ABCB9: variants seen among roughly 807,000 people sequenced by gnomAD.
ABCB9 encodes the protein ABC-type oligopeptide transporter ABCB9.
Under a neutral mutation model 62.0 loss-of-function variants are expected in ABCB9, and 36 were observed. The observed-to-expected ratio is 0.58, with a 90% CI of 0.45 to 0.77. ABCB9 has a LOEUF of 0.77. ABCB9 is among the 30% of genes least tolerant of loss of function. The probability of loss-of-function intolerance (pLI) is 0.00; values close to 1 mark genes in which losing one functional copy is unlikely to be tolerated. For synonymous variants in ABCB9, 435 were observed against 461.4 expected (o/e 0.94, Z 0.73); for missense variants, 943 against 1,054.7 (o/e 0.89, Z 1.47).
Position 122,959,790 on chromosome 12 carries a change from G to A in ABCB9, c.446C>T (p.Pro149Leu). The A allele has an allele frequency of 1.2e-6, 2 of 1,612,028 alleles. No individual in the cohort carries two copies. Among genetic ancestry groups the A allele is most frequent in the Non-Finnish European group, 1.7e-6 (2 of 1,179,300 alleles). Reference sequence around the variant, plus strand: ...GCCCTCAGCCTCGGTGGCCGCCCCTGGCTCCAGGGCCTGGGTGCCTGGCCG... The same window carrying A: ...GCCCTCAGCCTCGGTGGCCGCCCCTAGCTCCAGGGCCTGGGTGCCTGGCCG... ...TVRPGTQALE[P>L]GAATEAEGFP... is the part of the protein sequence containing the mutation. Residue 149 changes from proline (P) to leucine (L), a missense_variant, in exon 2 of 12, where the codon CCA becomes CTA. Physicochemically the swap from Pro to Leu is moderately conservative, Grantham distance 98. Coordinates refer to ENST00000280560, the MANE Select transcript of ABCB9 (RefSeq NM_019625.4). The surrounding 1 kb of genome is among the most constrained non-coding windows in gnomAD (Gnocchi z 5.4).
rs751351998 is a variant in ABCB9 at position 122,940,081 on chromosome 12, G to C, written c.1743+30C>G. ...AAGACGGTTAGATGCAGAAAGGGCG[G>C]AGAAGTGTGGCCCAGGCCCGTGCAC... On this transcript the variant is annotated intron_variant, in intron 9 of 11. Coordinates refer to ENST00000280560, the MANE Select transcript of ABCB9 (RefSeq NM_019625.4). This position sits in a 1 kb window ranked among gnomAD's most constrained non-coding sequence, Gnocchi z 4.8. 15 of 1,593,102 alleles carry C rather than the reference G, an allele frequency of 9.4e-6. No individual in the cohort carries two copies. The South Asian group carries it at 1.6e-4, about 17-fold the overall frequency.
chr12:122,925,023 C>T (rs1346337616), downstream of ABCB9, among the ~76,000 whole-genome samples: 2 of 152,158 alleles, frequency 1.3e-5, no homozygotes, highest in Admixed American at 1.3e-4. Flanking sequence ...TTCAAGCAAT[C>T]CTCCCACTTC....
At chr12:122,934,474 A>C (rs953744168) in intron 10 of ABCB9, among the ~76,000 whole-genome samples, 1 of 151,532 alleles carries the variant, frequency 6.6e-6, no homozygotes, top group African/African-American at 2.4e-5. Flanking sequence ...GGATTGCATG[A>C]GCCCAGGAAT....
chr12:122,931,129 A>G (rs1337135986), intron 11 of ABCB9, among the ~76,000 whole-genome samples: 1 of 151,678 alleles, frequency 6.6e-6, no homozygotes, highest in Non-Finnish European at 1.5e-5. Flanking sequence ...GGTTCATGCT[A>G]TTCTCCTGCC....
chr12:122,924,869 T>C (rs2135735708), downstream of ABCB9: 1 of 1,525,882 alleles, frequency 6.6e-7, no homozygotes, highest in South Asian at 1.2e-5. Context: ...CAGAAAAAAG[T>C]CAGCTTTAAA....
chr12:122,950,075 C>T (rs2036279873), intron 3 of ABCB9, among the ~76,000 whole-genome samples, 157 bp from the exon 4 acceptor site: 1 of 152,170 alleles, frequency 6.6e-6, no homozygotes, highest in Non-Finnish European at 1.5e-5. Context: ...CAGTGGGAGC[C>T]CCCCTCAAGG....
downstream of ABCB9, among the ~76,000 whole-genome samples, chr12:122,925,432 G>A (rs920287779): frequency 1.3e-5 from 2 of 151,922 alleles, no homozygotes; most frequent in Admixed American, 6.6e-5. Context: ...CAAGAGAGGC[G>A]AAAGCAAACT....
rs1242595032 is a variant in ABCB9 at position 122,940,695 on chromosome 12, A to G, written c.1569+112T>C. On this transcript the variant is annotated intron_variant, in intron 8 of 11. Coordinates refer to ENST00000280560, the MANE Select transcript of ABCB9 (RefSeq NM_019625.4). The surrounding 1 kb of genome is among the most constrained non-coding windows in gnomAD (Gnocchi z 4.8). Reference sequence around the variant, plus strand: ...AGCCCAAAACTCCTGGAGGGCAATGATCTTGCCTGACATATTCCCAGCTGC... The same window carrying G: ...AGCCCAAAACTCCTGGAGGGCAATGGTCTTGCCTGACATATTCCCAGCTGC... The G allele has an allele frequency of 7.6e-7, 1 of 1,323,136 alleles. No individual in the cohort carries two copies. The highest frequency in any genetic ancestry group is 1.5e-5 in the African/African-American group (1 of 67,408). The allele number at this position is 1,323,136 out of a possible 1,614,324, so 82.0% of individuals were successfully genotyped here. A position where few individuals can be genotyped will look rare whatever the true frequency, so the allele number is the denominator to read the frequency against.
intron 1 of ABCB9, among the ~76,000 whole-genome samples, chr12:122,971,976 T>G (rs1449731030): frequency 6.6e-6 from 1 of 151,592 alleles, no homozygotes; most frequent in East Asian, 1.9e-4. Context: ...AAATGGTAAA[T>G]TTCGTTATGT....
downstream of ABCB9, among the ~76,000 whole-genome samples, chr12:122,928,830 G>A (rs2034985327): frequency 6.6e-6 from 1 of 152,136 alleles, no homozygotes; most frequent in Non-Finnish European, 1.5e-5. Context: ...CAGAGACCCT[G>A]GGATGGGAGG....
intron 9 of ABCB9, among the ~76,000 whole-genome samples, chr12:122,938,718 C>T (rs554286853): frequency 6.6e-6 from 1 of 151,948 alleles, no homozygotes; most frequent in East Asian, 1.9e-4. Flanking sequence ...GTCCCAGCTA[C>T]TCAGGAGACT....
intron 1 of ABCB9, among the ~76,000 whole-genome samples, chr12:122,965,821 C>A (rs1340319278): frequency 6.6e-6 from 1 of 152,138 alleles, no homozygotes; most frequent in Non-Finnish European, 1.5e-5. Flanking sequence ...GGAGCAGCGG[C>A]AGCCCACTGG....
chr12:122,973,989 G>A (rs1398550341), intron 1 of ABCB9, among the ~76,000 whole-genome samples: 1 of 152,276 alleles, frequency 6.6e-6, no homozygotes, highest in Non-Finnish European at 1.5e-5. Flanking sequence ...AGGTTGCAGT[G>A]AGCGGAGATC....
intron 2 of ABCB9, chr12:122,952,888 C>T (rs549911044): frequency 6.6e-6 from 1 of 152,382 alleles, no homozygotes; most frequent in African/African-American, 2.4e-5. Flanking sequence ...TCTCAGTAGC[C>T]TGCTCTCAAC....
At chr12:122,952,279 G>T (rs1475340644) in intron 2 of ABCB9, 1 of 152,260 alleles carries the variant, frequency 6.6e-6, no homozygotes, top group Non-Finnish European at 1.5e-5. Flanking sequence ...TCCTCTTAAG[G>T]AAATAGTGGC....
At chr12:122,957,073 G>A (rs371823528) in intron 2 of ABCB9, among the ~76,000 whole-genome samples, 84 of 150,696 alleles carry the variant, frequency 5.6e-4, no homozygotes, top group African/African-American at 2.0e-3. Flanking sequence ...GACAGGTCTT[G>A]CTCTGTTGCC....
chr12:122,930,567 A>G lies in ABCB9; in HGVS notation c.2041-396T>C, dbSNP rs562486759. On this transcript the variant is annotated intron_variant, in intron 11 of 11. Coordinates refer to ENST00000280560, the MANE Select transcript of ABCB9 (RefSeq NM_019625.4). This position sits in a 1 kb window ranked among gnomAD's most constrained non-coding sequence, Gnocchi z 4.9. ...GGGGATTACAGGTGCCCGCCACCATACCCAGCTAATTTTTGTATTTTTAGT... is the reference window on the plus strand; with the variant it reads ...GGGGATTACAGGTGCCCGCCACCATGCCCAGCTAATTTTTGTATTTTTAGT... 2.6e-5 allele frequency among the ~76,000 whole-genome samples: 4 copies of G among 151,922 alleles called. No homozygotes were observed. The South Asian group carries it at 8.3e-4, about 32-fold the overall frequency.
At chr12:122,969,379 T>C (rs2037245629), upstream of ABCB9, among the ~76,000 whole-genome samples, 1 of 152,238 alleles carries the variant, frequency 6.6e-6, no homozygotes, top group African/African-American at 2.4e-5. Flanking sequence ...TCTGTGAATA[T>C]ACTAAAAACT....
In ABCB9 at chr12:122,946,008, T is replaced by C. The variant is rs200720451; in HGVS notation, c.1251+17A>G. 361 of 1,612,230 alleles carry C rather than the reference T, an allele frequency of 2.2e-4. No individual in the cohort carries two copies. In the African/African-American group the frequency reaches 4.3e-3, roughly 19 times the overall value. On this transcript the variant is annotated intron_variant, in intron 6 of 11. Coordinates refer to ENST00000280560, the MANE Select transcript of ABCB9 (RefSeq NM_019625.4). Reference sequence around the variant, plus strand: ...CCATCCCTCCACAGCCAGAGCTGCCTGGCCAGGGGCACGTACCCCGCTGCC... The same window carrying C: ...CCATCCCTCCACAGCCAGAGCTGCCCGGCCAGGGGCACGTACCCCGCTGCC...
Sources: gnomAD v4.1 joint callset for allele counts (sites outside exome capture counted in the v4.1 genomes callset) on GRCh38, gnomAD v4.1.1 for gene constraint, Gnocchi (gnomAD v3.1) non-coding constraint, MANE v1.5 for transcripts, NCBI Gene and HGNC (gene_info 2026-07-23, HGNC 2026-07-21) for gene names.